Variants in DHRS9 observed in about 807,000 individuals in gnomAD.
DHRS9 encodes the protein dehydrogenase/reductase 9.
DHRS9 carries 18 observed loss-of-function variants against 26.6 expected under a neutral mutation model. The ratio of observed to expected loss-of-function variants is 0.68; its 90% CI spans 0.47 to 1.00. DHRS9 has a LOEUF of 1.00. DHRS9 is among the 50% of genes least tolerant of loss of function. DHRS9 has a pLI of 0.00. For synonymous variants in DHRS9, 134 were observed against 141.1 expected, an observed-to-expected ratio of 0.95 and a Z score of 0.36; for missense variants, 425 against 378.7, an observed-to-expected ratio of 1.12 and a Z score of -1.01.
chr2:169,087,966 G>A (rs1032677592), intron 3 of DHRS9, among the ~76,000 whole-genome samples: 1 of 152,116 alleles, frequency 6.6e-6, no homozygotes, highest in African/African-American at 2.4e-5. Flanking sequence ...TGGGGGAGGG[G>A]TAGCACAAGC....
At chr2:169,093,687 AAGGCATTGAGCTC>A (rs1684605662) in intron 4 of DHRS9, among the ~76,000 whole-genome samples, 1 of 152,174 alleles carries the variant, frequency 6.6e-6, no homozygotes, top group African/African-American at 2.4e-5. Flanking sequence ...GAAATACCAA[AAGGCATTGAGCTC>A]AGTTTTACAC....
intron 4 of DHRS9, among the ~76,000 whole-genome samples, chr2:169,093,460 GC>G (rs1325805825): frequency 6.6e-6 from 1 of 152,088 alleles, no homozygotes; most frequent in Non-Finnish European, 1.5e-5. Flanking sequence ...TAGAGCCACT[GC>G]CATCAAATAC....
At position 169,078,815 on chromosome 2, in the gene DHRS9, C is replaced by CTTTTTTTTT. The variant is rs200691133; in HGVS notation, c.-59-2690_-59-2682dup. ...CTCTGACTTAATTTTTATCAACTGA[C>CTTTTTTTTT]TTTTTTTTTTTTTTTTTTTTTTTTT... On this transcript the variant is annotated intron_variant, in intron 1 of 4. Transcript: ENST00000674881. Among the ~76,000 whole-genome samples the CTTTTTTTTT allele has an allele frequency of 1.1e-3, 126 of 110,334 alleles. 13 individuals carry two copies. The highest frequency in any genetic ancestry group is 4.3e-3 in the African/African-American group (114 of 26,638). The allele number at this position is 110,334 out of a possible 152,430, so 72.4% of individuals were successfully genotyped here.
rs1553479345 is a variant in DHRS9 at position 169,081,697 on chromosome 2, CG to C, written c.119del (p.Gly40AlafsTer17). On this transcript the variant is annotated frameshift_variant, in exon 2 of 5. Transcript: ENST00000674881. LOFTEE classifies it high-confidence loss of function. ...DKYIFITGCD[S>X]GFGNLAARTF... is the part of the protein sequence containing the mutation. ...TACATTTTTATCACTGGATGTGACT[CG>C]GGCTTTGGAAACTTGGCAGCCAGAA... The C allele has an allele frequency of 6.2e-7, 1 of 1,614,022 alleles. No homozygotes were observed. The highest frequency in any genetic ancestry group is 8.5e-7 in the Non-Finnish European group (1 of 1,180,028).
chr2:169,070,574 T>G, intron 1 of DHRS9: 1 of 985,064 alleles, frequency 1.0e-6, no homozygotes, highest in Non-Finnish European at 1.2e-6. Context: ...ACACGCTGCA[T>G]CAAATCAAAG....
At chr2:169,083,715 C>T (rs546696756) in intron 3 of DHRS9, 128 bp downstream of exon 3, 4 of 1,060,440 alleles carry the variant, frequency 3.8e-6, no homozygotes, top group South Asian at 3.4e-5. Context: ...TTTGTGGGTA[C>T]ATAGTAGGTA....
chr2:169,086,626 C>G (rs776930583), intron 3 of DHRS9, among the ~76,000 whole-genome samples: 2 of 151,904 alleles, frequency 1.3e-5, no homozygotes, highest in Non-Finnish European at 2.9e-5. Flanking sequence ...TGTACTCATC[C>G]TTCTGGGGAA....
At chr2:169,086,175 T>A (rs916059440) in intron 3 of DHRS9, among the ~76,000 whole-genome samples, 3 of 152,182 alleles carry the variant, frequency 2.0e-5, no homozygotes, top group African/African-American at 7.2e-5. Flanking sequence ...CATTCTTTTT[T>A]TTTTCTTTTG....
intron 1 of DHRS9, among the ~76,000 whole-genome samples, chr2:169,076,929 A>G (rs1367198116): frequency 6.6e-6 from 1 of 152,242 alleles, no homozygotes; most frequent in Non-Finnish European, 1.5e-5. Context: ...CTGTTTTTTA[A>G]GTGGAAGTGG....
At chr2:169,092,540 T>A (rs551677543) in intron 4 of DHRS9, among the ~76,000 whole-genome samples, 4 of 152,116 alleles carry the variant, frequency 2.6e-5, no homozygotes, top group African/African-American at 9.7e-5. Context: ...AGCCCAGAAA[T>A]GGTGCTAGAT....
At chr2:169,090,741 T>C (rs1684494340) in intron 3 of DHRS9, among the ~76,000 whole-genome samples, 1 of 152,228 alleles carries the variant, frequency 6.6e-6, no homozygotes, top group Admixed American at 6.5e-5. Flanking sequence ...GGTCCCTGAC[T>C]TGCAATGTTA....
At position 169,091,791 on chromosome 2, in the gene DHRS9, C is replaced by A. The variant is rs754460573; in HGVS notation, c.574C>A (p.Arg192=). The change falls in exon 4 of 5, where the codon CGG becomes AGG. Residue 192 remains arginine (R), a splice_region_variant and synonymous_variant. Coordinates refer to ENST00000674881, the MANE Select transcript of DHRS9 (RefSeq NM_001376924.1). ...ATCTTCAATGGGTTCTTTTCACAGA[C>A]GGGACATGAAAGCTTTTGGTGTGCA... ...AVEGFNDSLR[R]DMKAFGVHVS... 1 of 1,604,562 alleles carries A rather than the reference C, an allele frequency of 6.2e-7. No individual in the cohort carries two copies. The highest frequency in any genetic ancestry group is 8.5e-7 in the Non-Finnish European group (1 of 1,174,142).
chr2:169,087,946 G>A (rs1041098267), intron 3 of DHRS9, among the ~76,000 whole-genome samples: 3 of 152,092 alleles, frequency 2.0e-5, no homozygotes, highest in African/African-American at 4.8e-5. Flanking sequence ...TGGGCTGCGC[G>A]GTCTGGGGCT....
chr2:169,068,403 C>A (rs1683707634), upstream of DHRS9, among the ~76,000 whole-genome samples: 1 of 152,218 alleles, frequency 6.6e-6, no homozygotes, highest in South Asian at 2.1e-4. Flanking sequence ...TCTTGGCTCA[C>A]ACGCAACTTG....
chr2:169,095,480 C>T lies in DHRS9; in HGVS notation c.737-64C>T, dbSNP rs1399600563. On this transcript the variant is annotated intron_variant, in intron 4 of 4. Transcript: ENST00000674881. ...CCTTGTATCCATCCTCCCCTTTGCA[C>T]CCTAGACTTCCACTCTGCTTTCCCC... The T allele has an allele frequency of 4.5e-6, 6 of 1,345,672 alleles. No homozygotes were observed. In the Admixed American group the frequency reaches 1.0e-4, roughly 23 times the overall value. 83.4% of individuals were successfully genotyped at this position (1,345,672 alleles called of 1,614,324 possible). A position where few individuals can be genotyped will look rare whatever the true frequency, so the allele number is the denominator to read the frequency against.
chr2:169,067,131 A>G (rs1158680224), upstream of DHRS9: 4 of 1,535,132 alleles, frequency 2.6e-6, no homozygotes, highest in Non-Finnish European at 3.5e-6. Flanking sequence ...GACTTGAGAG[A>G]GAGGATTACA....
intron 1 of DHRS9, among the ~76,000 whole-genome samples, chr2:169,076,293 T>C (rs572301732): frequency 6.6e-6 from 1 of 152,324 alleles, no homozygotes; most frequent in South Asian, 2.1e-4. Context: ...CTGACATCTA[T>C]GTACTAGTGA....
At chr2:169,092,649 A>G (rs986499473) in intron 4 of DHRS9, among the ~76,000 whole-genome samples, 4 of 152,212 alleles carry the variant, frequency 2.6e-5, no homozygotes, top group Non-Finnish European at 5.9e-5. Flanking sequence ...AGGAAAGGAC[A>G]GGAAATAATT....
At chr2:169,095,310 T>C (rs1275494998) in intron 4 of DHRS9, among the ~76,000 whole-genome samples, 2 of 152,188 alleles carry the variant, frequency 1.3e-5, no homozygotes. Flanking sequence ...ACCTGGGTTT[T>C]AATGAGCTCT....
Sources: gnomAD v4.1 joint callset for allele counts (sites outside exome capture counted in the v4.1 genomes callset) on GRCh38, gnomAD v4.1.1 for gene constraint, MANE v1.5 for transcripts, NCBI Gene and HGNC (gene_info 2026-07-23, HGNC 2026-07-21) for gene names.